The following KIAA1217 variants were observed in gnomAD, a reference collection of about 807,000 sequenced individuals.
KIAA1217 encodes the protein sickle tail protein homolog.
In KIAA1217, 88 loss-of-function variants were observed where a neutral mutation model predicts 163.9. The observed-to-expected ratio is 0.54, with a 90% CI of 0.45 to 0.64. The LOEUF (loss-of-function observed/expected upper bound fraction) is 0.64, where lower values mean the gene tolerates loss of function less well. Among genes scored for constraint, KIAA1217 ranks in the 30% least tolerant of loss-of-function variants. The pLI, the probability that KIAA1217 is intolerant of heterozygous loss-of-function variation, is 0.00. For synonymous variants in KIAA1217, 903 were observed against 923.1 expected (o/e 0.98, Z 0.39); for missense variants, 2,372 against 2,475.0 (o/e 0.96, Z 0.88).
intron 1 of KIAA1217, among the ~76,000 whole-genome samples, chr10:23,784,601 G>GT (rs1216230989): frequency 6.6e-6 from 1 of 151,688 alleles, no homozygotes; most frequent in Non-Finnish European, 1.5e-5. Flanking sequence ...TGATTTCTTT[G>GT]TTTTTATCTT....
chr10:23,717,093 C>T (rs1254783056), intron 1 of KIAA1217, among the ~76,000 whole-genome samples: 4 of 152,026 alleles, frequency 2.6e-5, no homozygotes. Context: ...CTTACTTTGC[C>T]CCTTCTCTTC....
intron 2 of KIAA1217, among the ~76,000 whole-genome samples, chr10:24,338,940 A>G (rs1296224933): frequency 1.3e-5 from 2 of 152,198 alleles, no homozygotes; most frequent in Non-Finnish European, 2.9e-5. Flanking sequence ...TTACATGGAG[A>G]AGGAAAATTT....
intron 1 of KIAA1217, among the ~76,000 whole-genome samples, chr10:23,972,226 C>A (rs1305723782): frequency 6.6e-6 from 1 of 152,134 alleles, no homozygotes; most frequent in Non-Finnish European, 1.5e-5. Flanking sequence ...GATCGAGAAC[C>A]AGAAATACCA....
chr10:24,266,418 A>G (rs1020896750), intron 2 of KIAA1217, among the ~76,000 whole-genome samples: 1 of 152,130 alleles, frequency 6.6e-6, no homozygotes, highest in East Asian at 1.9e-4. Flanking sequence ...CAAAGACTTC[A>G]TCTTTTCTCC....
chr10:24,451,298 C>G (rs2061355670), intron 5 of KIAA1217, among the ~76,000 whole-genome samples: 1 of 152,232 alleles, frequency 6.6e-6, no homozygotes, highest in Admixed American at 6.5e-5. Flanking sequence ...TGCCTGCCCA[C>G]TGCCCTTCAG....
chr10:23,807,914 T>A (rs559217386), intron 1 of KIAA1217, among the ~76,000 whole-genome samples: 61 of 152,294 alleles, frequency 4.0e-4, no homozygotes, highest in Middle Eastern at 3.4e-3. Context: ...TACTCTTAGA[T>A]CTGAGCTACA....
chr10:23,740,134 G>A (rs1287831274), intron 1 of KIAA1217, among the ~76,000 whole-genome samples: 1 of 152,122 alleles, frequency 6.6e-6, no homozygotes, highest in Non-Finnish European at 1.5e-5. Context: ...GAGAGGTCAG[G>A]CTGGAGAAAT....
chr10:23,789,434 C>A (rs1274426922), intron 1 of KIAA1217, among the ~76,000 whole-genome samples: 2 of 152,122 alleles, frequency 1.3e-5, no homozygotes, highest in Admixed American at 1.3e-4. Flanking sequence ...TAGGCTCTTA[C>A]CTTAGTGCAG....
intron 1 of KIAA1217, among the ~76,000 whole-genome samples, chr10:23,837,712 T>C (rs919528341): frequency 1.3e-5 from 2 of 152,052 alleles, no homozygotes; most frequent in Non-Finnish European, 2.9e-5. Flanking sequence ...TTTGTTGTTG[T>C]TTATTTTTTT....
chr10:23,885,610 C>T (rs577572011), intron 1 of KIAA1217, among the ~76,000 whole-genome samples: 1 of 152,068 alleles, frequency 6.6e-6, no homozygotes, highest in South Asian at 2.1e-4. Context: ...CAGGAAAAGT[C>T]TCTCATTCAT....
rs894914854 is a variant in KIAA1217 at position 24,348,684 on chromosome 10, A to G, written c.355-32185A>G. ...GCAAGCCCACCACTGCATGTTCCAT[A>G]GAATCTTACAGATAATGGATCTCAA... On this transcript the variant is annotated intron_variant, in intron 2 of 20. Transcript: ENST00000376454. Among the ~76,000 whole-genome samples the G allele has an allele frequency of 4.6e-5, 7 of 152,210 alleles. 1 individual carries two copies. Among genetic ancestry groups the G allele is most frequent in the African/African-American group, 4.8e-5 (2 of 41,462 alleles).
chr10:23,998,271 T>C (rs1024053284), intron 1 of KIAA1217, among the ~76,000 whole-genome samples: 3 of 152,196 alleles, frequency 2.0e-5, no homozygotes, highest in African/African-American at 7.2e-5. Context: ...GGCCCCATCC[T>C]AAAATATCTT....
At chr10:24,039,136 A>G (rs1358982500) in intron 2 of KIAA1217, among the ~76,000 whole-genome samples, 2 of 151,796 alleles carry the variant, frequency 1.3e-5, no homozygotes, top group African/African-American at 4.8e-5. Context: ...AGATATGCCA[A>G]TTTTTTTTAG....
At chr10:24,334,438 T>TAGAAGGAAGGAA (rs1313698943) in intron 2 of KIAA1217, among the ~76,000 whole-genome samples, 8 of 82,286 alleles carry the variant, frequency 9.7e-5, no homozygotes, top group African/African-American at 2.8e-4. Context: ...GAGGGAAGGA[T>TAGAAGGAAGGAA]GGAAGGAAGG....
chr10:23,773,867 A>G (rs1006592146), intron 1 of KIAA1217, among the ~76,000 whole-genome samples: 1 of 152,014 alleles, frequency 6.6e-6, no homozygotes, highest in African/African-American at 2.4e-5. Context: ...GGGCTGAGAC[A>G]ATGGGGTTTT....
chr10:23,988,804 AGAAAATGATATTGG>A (rs146923272), intron 1 of KIAA1217, among the ~76,000 whole-genome samples: 4,315 of 152,296 alleles, frequency 0.028, 169 homozygotes, highest in East Asian at 0.13. Context: ...AAATAAAATC[AGAAAATGATATTGG>A]GAAAATGACA....
chr10:24,233,877 G>T (rs1172931437), intron 2 of KIAA1217, among the ~76,000 whole-genome samples: 1 of 152,036 alleles, frequency 6.6e-6, no homozygotes, highest in Non-Finnish European at 1.5e-5. Flanking sequence ...CCATATCATT[G>T]TATTTTTATC....
chr10:23,721,704 T>A (rs975241032), intron 1 of KIAA1217, among the ~76,000 whole-genome samples: 4 of 152,258 alleles, frequency 2.6e-5, no homozygotes, highest in Non-Finnish European at 5.9e-5. Context: ...ATTTCCCTCA[T>A]TTAGGAATCA....
At position 24,161,714 on chromosome 10, in the gene KIAA1217, G is replaced by C. The variant is rs1275424168; in HGVS notation, c.-170-57912G>C. On this transcript the variant is annotated intron_variant, in intron 2 of 18. Transcript: ENST00000376462. ...ATTCAACCCCTTCCTTACCACACCA[G>C]CCTCTCAGGCACTGGCATTATTTGG... Among the ~76,000 whole-genome samples the C allele has an allele frequency of 3.3e-5, 5 of 152,186 alleles. No homozygotes were observed. In the East Asian group the frequency reaches 7.7e-4, roughly 23 times the overall value.
Sources: allele counts gnomAD v4.1 joint callset (sites outside exome capture counted in the v4.1 genomes callset), GRCh38; gene constraint gnomAD v4.1.1; transcripts MANE v1.5; gene names NCBI Gene and HGNC (gene_info 2026-07-23, HGNC 2026-07-21).